PLA2G5: variants seen among roughly 807,000 people sequenced by gnomAD.
The protein encoded by PLA2G5 is Ca2+-dependent phospholipase A2.
In PLA2G5, 12 loss-of-function variants were observed where a neutral mutation model predicts 15.9. That is an observed-to-expected ratio of 0.76 (90% CI 0.48 to 1.23). The LOEUF (loss-of-function observed/expected upper bound fraction) is 1.23. Among genes scored for constraint, PLA2G5 ranks in the 50% most tolerant of loss-of-function variants. The pLI is 0.00. For missense variants in PLA2G5, 169 were observed against 177.1 expected, an observed-to-expected ratio of 0.95 and a Z score of 0.26; for synonymous variants, 71 against 71.4, an observed-to-expected ratio of 0.99 and a Z score of 0.03.
At chr1:20,030,529 G>A (rs1437436571) in intron 1 of PLA2G5, among the ~76,000 whole-genome samples, 1 of 151,662 alleles carries the variant, frequency 6.6e-6, no homozygotes, top group African/African-American at 2.4e-5. Context: ...GGAGACAGAT[G>A]CCTTCCTCTT....
intron 1 of PLA2G5, among the ~76,000 whole-genome samples, chr1:20,082,714 C>T (rs1279359035): frequency 6.6e-6 from 1 of 151,912 alleles, no homozygotes; most frequent in Non-Finnish European, 1.5e-5. Flanking sequence ...ACAGAGGAGC[C>T]ATCTGAGGTG....
intron 2 of PLA2G5, among the ~76,000 whole-genome samples, chr1:20,060,570 AG>A: frequency 6.6e-6 from 1 of 151,922 alleles, no homozygotes; most frequent in South Asian, 2.1e-4. Flanking sequence ...TGTTTTCAAC[AG>A]AAAGACATTA....
intron 1 of PLA2G5, among the ~76,000 whole-genome samples, chr1:20,083,243 T>C (rs2016121270): frequency 1.3e-5 from 2 of 151,902 alleles, no homozygotes; most frequent in African/African-American, 4.9e-5. Context: ...ACAAGGGTTG[T>C]CCCAGAGGCC....
intron 1 of PLA2G5, among the ~76,000 whole-genome samples, chr1:20,038,947 T>C (rs535037385): frequency 1.3e-5 from 2 of 152,296 alleles, no homozygotes; most frequent in East Asian, 3.9e-4. Flanking sequence ...CTGAGGGTAT[T>C]CCTCTTGGCA....
rs1023004075 is a variant in PLA2G5 at position 20,050,769 on chromosome 1, A to G, written n.277-8863A>G. Among the ~76,000 whole-genome samples the G allele has an allele frequency of 2.0e-5, 3 of 152,150 alleles. No homozygotes were observed. The South Asian group carries it at 6.2e-4, about 32-fold the overall frequency. ...GGTTAAATGAATGACTTATTTTACA[A>G]TGACTTCTGATATCAAGTGTTTTAA... is the stretch of plus-strand genomic sequence containing the variant. On this transcript the variant is annotated intron_variant and non_coding_transcript_variant, in intron 1 of 6. Coordinates refer to the PLA2G5 transcript ENST00000460175.
At chr1:20,040,226 T>C (rs1353800521) in intron 1 of PLA2G5, among the ~76,000 whole-genome samples, 1 of 152,214 alleles carries the variant, frequency 6.6e-6, no homozygotes, top group Non-Finnish European at 1.5e-5. Flanking sequence ...ACCCAGGCAC[T>C]GTAATCTTTC....
intron 1 of PLA2G5, among the ~76,000 whole-genome samples, chr1:20,041,034 A>G (rs556883326): frequency 2.6e-5 from 4 of 152,326 alleles, no homozygotes; most frequent in Non-Finnish European, 5.9e-5. Flanking sequence ...GGCACATATC[A>G]TCAGTACCTC....
chr1:20,063,634 A>C (rs2014855039), intron 2 of PLA2G5: 1 of 152,218 alleles, frequency 6.6e-6, no homozygotes, highest in South Asian at 2.1e-4. Flanking sequence ...GGAAACTTGA[A>C]ACCCTTGCCT....
At chr1:20,029,750 G>T (rs1377933137) in intron 1 of PLA2G5, among the ~76,000 whole-genome samples, 5 of 152,182 alleles carry the variant, frequency 3.3e-5, no homozygotes, top group African/African-American at 1.2e-4. Flanking sequence ...AGTTAGTCTG[G>T]TGTGTGCGGA....
chr1:20,078,428 G>A (rs1223357711), intron 1 of PLA2G5, among the ~76,000 whole-genome samples: 1 of 152,130 alleles, frequency 6.6e-6, no homozygotes, highest in Non-Finnish European at 1.5e-5. Context: ...GTGTTCGTAG[G>A]TGGGGGAAGA....
At chr1:20,041,336 G>C (rs1320286542) in intron 1 of PLA2G5, among the ~76,000 whole-genome samples, 2 of 152,174 alleles carry the variant, frequency 1.3e-5, no homozygotes, top group Non-Finnish European at 2.9e-5. Flanking sequence ...GAGAAATAAA[G>C]CTTTTTAATC....
chr1:20,068,913 G>A (rs534233149), upstream of PLA2G5: 55 of 1,288,186 alleles, frequency 4.3e-5, no homozygotes, highest in South Asian at 5.1e-4. Context: ...TCCCCCCTAC[G>A]TCCTTCTCCA....
chr1:20,048,337 T>C (rs2014019666), intron 1 of PLA2G5, among the ~76,000 whole-genome samples: 1 of 152,134 alleles, frequency 6.6e-6, no homozygotes, highest in Admixed American at 6.6e-5. Context: ...TGCTTATGAA[T>C]CAAGAAATTT....
At chr1:20,030,976 A>G (rs2012891513) in intron 1 of PLA2G5, among the ~76,000 whole-genome samples, 2 of 152,214 alleles carry the variant, frequency 1.3e-5, no homozygotes, top group African/African-American at 4.8e-5. Flanking sequence ...CTTTCTACAT[A>G]GACACAGTAA....
intron 2 of PLA2G5, among the ~76,000 whole-genome samples, chr1:20,064,254 T>G (rs1394024948): frequency 1.3e-5 from 2 of 152,178 alleles, no homozygotes; most frequent in African/African-American, 4.8e-5. Flanking sequence ...GTCATAAAAT[T>G]AGATAGTTCT....
intron 1 of PLA2G5, among the ~76,000 whole-genome samples, chr1:20,036,018 A>G (rs2013231414): frequency 6.6e-6 from 1 of 152,134 alleles, no homozygotes; most frequent in South Asian, 2.1e-4. Context: ...GCTAGATACG[A>G]GATTCTTGGT....
At chr1:20,076,437 G>A (rs2015684882) in intron 1 of PLA2G5, among the ~76,000 whole-genome samples, 1 of 152,124 alleles carries the variant, frequency 6.6e-6, no homozygotes, top group Middle Eastern at 3.2e-3. Context: ...TAGATGTCTT[G>A]TGAAAATCCC....
chr1:20,070,307 G>A lies in PLA2G5; in HGVS notation c.-169G>A, dbSNP rs972016933. ...TCCCATTCACAGCTTTAAGATTCTGGAGGCCAAGAATTTGACTCCCCCCGG... is the reference window on the plus strand; with the variant it reads ...TCCCATTCACAGCTTTAAGATTCTGAAGGCCAAGAATTTGACTCCCCCCGG... On this transcript the variant is annotated 5_prime_UTR_variant, in exon 1 of 5. Coordinates refer to ENST00000375108, the MANE Select transcript of PLA2G5 (RefSeq NM_000929.3). 1.0e-6 allele frequency: 1 copy of A among 985,340 alleles called. No individual in the cohort carries two copies. Among genetic ancestry groups the A allele is most frequent in the African/African-American group, 1.7e-5 (1 of 57,218 alleles). The allele number at this position is 985,340 out of a possible 1,614,324, so 61.0% of individuals were successfully genotyped here.
intron 1 of PLA2G5, among the ~76,000 whole-genome samples, chr1:20,059,120 C>CAAAAAA (rs34667227): frequency 1.2e-5 from 1 of 83,144 alleles, no homozygotes; most frequent in African/African-American, 4.5e-5. Context: ...GAGACTGTCT[C>CAAAAAA]AAAAAAAAAA....
Sources: gnomAD v4.1 joint callset for allele counts (sites outside exome capture counted in the v4.1 genomes callset) on GRCh38, gnomAD v4.1.1 for gene constraint, MANE v1.5 for transcripts, NCBI Gene and HGNC (gene_info 2026-07-23, HGNC 2026-07-21) for gene names.